Variants in PLEKHA4 observed in about 807,000 individuals in gnomAD.
The protein encoded by PLEKHA4 is pleckstrin homology domain-containing family A member 4.
PLEKHA4 carries 73 observed loss-of-function variants against 94.7 expected under a neutral mutation model. The observed-to-expected ratio is 0.77, with a 90% CI of 0.64 to 0.94. The LOEUF is 0.94. Ranked by LOEUF, PLEKHA4 falls within the 40% of genes least tolerant of loss-of-function variation. The pLI is 0.00. For synonymous variants in PLEKHA4, 449 were observed against 437.1 expected (o/e 1.03, Z -0.34); for missense variants, 1,049 against 1,054.1 (o/e 1.00, Z 0.07).
intron 9 of PLEKHA4, among the ~76,000 whole-genome samples, chr19:48,855,249 C>T (rs2036357537): frequency 6.6e-6 from 1 of 150,830 alleles, no homozygotes; most frequent in African/African-American, 2.4e-5. Context: ...CACTTGAGCC[C>T]AGGAGTTAAA....
intron 12 of PLEKHA4, among the ~76,000 whole-genome samples, 162 bp from the exon 13 acceptor site, chr19:48,852,488 T>C (rs572088577): frequency 1.1e-4 from 17 of 152,264 alleles, no homozygotes; most frequent in African/African-American, 3.9e-4. Flanking sequence ...CTTGGACTAC[T>C]GGGAACCCCA....
chr19:48,840,233 G>A (rs1568532744), intron 17 of PLEKHA4, among the ~76,000 whole-genome samples: 1 of 151,874 alleles, frequency 6.6e-6, no homozygotes, highest in Non-Finnish European at 1.5e-5. Context: ...TGGCCAACGT[G>A]GTAAAAATCT....
intron 5 of PLEKHA4, 150 bp from the exon 6 acceptor site, chr19:48,860,609 A>G: frequency 1.7e-6 from 1 of 592,614 alleles, no homozygotes; most frequent in Non-Finnish European, 3.0e-6. Flanking sequence ...ATAATGAGAC[A>G]CCCCCCTCCA....
Position 48,845,458 on chromosome 19 carries a change from G to A in PLEKHA4, c.1667-12C>T. The A allele has an allele frequency of 6.2e-7, 1 of 1,614,010 alleles. No homozygotes were observed. ...CGGAGACCCAAGACCTGGAAAGACA[G>A]AACGGGACTTGGTGAGGACGGGAAT... On this transcript the variant is annotated splice_polypyrimidine_tract_variant and intron_variant, in intron 15 of 19. Coordinates refer to ENST00000263265, the MANE Select transcript of PLEKHA4 (RefSeq NM_020904.3).
rs751980798 is a variant in PLEKHA4 at position 48,858,987 on chromosome 19, AGAG to A, written c.842_844del (p.Pro281del). 91 of 1,573,376 alleles carry A rather than the reference AGAG, an allele frequency of 5.8e-5. 2 individuals are homozygous for A. The East Asian group carries it at 1.3e-3, about 23-fold the overall frequency. On this transcript the variant is annotated inframe_deletion, in exon 8 of 20. Coordinates refer to ENST00000263265, the MANE Select transcript of PLEKHA4 (RefSeq NM_020904.3). ...GGTCTGGCGTTGGGGGCCCCAATCC[AGAG>A]GAGGTCGGACATCAATGCGACTCAA...
Position 48,847,967 on chromosome 19 carries a change from G to C in PLEKHA4, c.1499C>G (p.Pro500Arg), listed in dbSNP as rs371447195. 1.8e-5 allele frequency: 29 copies of C among 1,612,862 alleles called. No homozygotes were observed. Among genetic ancestry groups the C allele is most frequent in the Non-Finnish European group, 2.4e-5 (28 of 1,179,602 alleles). ...GGAGTCAGGCTCAGTGTGTGGGGGC[G>C]GTTTCTGGGGGCCACCCAGACCTGC... ...TLAGLGGPQKPPPHTEPDSPS... is the reference protein window; with the variant it reads ...TLAGLGGPQKRPPHTEPDSPS... The change falls in exon 14 of 20, where the codon CCG (proline) becomes CGG (arginine). Residue 500 changes from proline to arginine, a missense_variant. Pro to Arg is a moderately radical substitution (Grantham distance 103). Transcript: ENST00000263265.
At position 48,837,509 on chromosome 19, in the gene PLEKHA4, G is replaced by C; in HGVS notation, c.2120C>G (p.Pro707Arg). The change falls in exon 20 of 20, where the codon CCG becomes CGG. Residue 707 changes from proline (P) to arginine (R), a missense_variant. By Grantham distance (103) the Pro-to-Arg change is moderately radical. Transcript: ENST00000263265. This position sits in a 1 kb window ranked among gnomAD's most constrained non-coding sequence, Gnocchi z 4.3. ...DSQGDPLPGV[P>R]LPPSDPTRQE... Reference sequence around the variant, plus strand: ...GCGCGTGGGGTCCGAAGGAGGCAGCGGCACACCGGGAAGAGGGTCTCCCTG... The same window carrying C: ...GCGCGTGGGGTCCGAAGGAGGCAGCCGCACACCGGGAAGAGGGTCTCCCTG... 3 of 1,613,094 alleles carry C rather than the reference G, an allele frequency of 1.9e-6. No homozygotes were observed. The highest frequency in any genetic ancestry group is 4.5e-5 in the East Asian group (2 of 44,864).
In PLEKHA4 at chr19:48,859,496, A is replaced by G; in HGVS notation, c.665T>C (p.Leu222Pro). The change falls in exon 7 of 20, where the codon CTC becomes CCC. Residue 222 changes from leucine (L) to proline (P), a missense_variant. Physicochemically the swap from Leu to Pro is moderately conservative, Grantham distance 98. Coordinates refer to ENST00000263265, the MANE Select transcript of PLEKHA4 (RefSeq NM_020904.3). ...GGGGCTCCTCGCCCTCCGCATCTGGAGTCCAGAGTGGAGGTCGGTTGTGGG... is the reference window on the plus strand; with the variant it reads ...GGGGCTCCTCGCCCTCCGCATCTGGGGTCCAGAGTGGAGGTCGGTTGTGGG... ...PSPTTDLHSG[L>P]QMRRARSPDL... 6.2e-7 allele frequency: 1 copy of G among 1,613,836 alleles called. No homozygotes were observed. The highest frequency in any genetic ancestry group is 8.5e-7 in the Non-Finnish European group (1 of 1,179,976).
intron 3 of PLEKHA4, among the ~76,000 whole-genome samples, chr19:48,862,671 G>A (rs375272528): frequency 4.0e-5 from 6 of 151,896 alleles, no homozygotes; most frequent in African/African-American, 1.4e-4. Flanking sequence ...CACCACACCC[G>A]GCTAATTTTG....
Position 48,860,118 on chromosome 19 carries a change from T to C in PLEKHA4, c.476+232A>G, listed in dbSNP as rs1313058567. ...CCTGGAGCAGAGCTGAGTGCGTGAC[T>C]GAAGGGTCAGCTTGGGGGCGGGGAC... On this transcript the variant is annotated intron_variant, in intron 6 of 19. Transcript: ENST00000263265. 12 of 585,908 alleles carry C rather than the reference T, an allele frequency of 2.0e-5. No individual in the cohort carries two copies. The South Asian group carries it at 2.3e-4, about 11-fold the overall frequency. 36.3% of individuals were successfully genotyped at this position (585,908 alleles called of 1,614,324 possible).
intron 18 of PLEKHA4, among the ~76,000 whole-genome samples, chr19:48,838,785 A>G (rs1473246727): frequency 6.6e-6 from 1 of 151,384 alleles, no homozygotes; most frequent in Non-Finnish European, 1.5e-5. Flanking sequence ...AAAAAAAGTA[A>G]AAAATAAAAA....
At chr19:48,859,846 G>C (rs1219787742) in intron 6 of PLEKHA4, among the ~76,000 whole-genome samples, 162 bp from the exon 7 acceptor site, 2 of 152,164 alleles carry the variant, frequency 1.3e-5, no homozygotes, top group Non-Finnish European at 2.9e-5. Context: ...CCTCCAATGT[G>C]AAACTGACCT....
intron 16 of PLEKHA4, chr19:48,844,547 T>A (rs2035893730): frequency 1.0e-6 from 1 of 985,344 alleles, no homozygotes. Flanking sequence ...GGAGCCAAGC[T>A]TCTGAAAATC....
intron 3 of PLEKHA4, 90 bp from the exon 4 acceptor site, chr19:48,861,782 G>A (rs1207216504): frequency 8.3e-7 from 1 of 1,202,370 alleles, no homozygotes; most frequent in South Asian, 1.3e-5. Flanking sequence ...GAGCCAGAGA[G>A]AGAAAGAAAC....
chr19:48,847,384 C>T (rs1423942962), intron 14 of PLEKHA4, among the ~76,000 whole-genome samples: 1 of 151,948 alleles, frequency 6.6e-6, no homozygotes, highest in African/African-American at 2.4e-5. Context: ...TGCAGTGAGC[C>T]ATGATCACAC....
chr19:48,849,373 A>G, intron 13 of PLEKHA4, among the ~76,000 whole-genome samples: 1 of 151,788 alleles, frequency 6.6e-6, no homozygotes, highest in East Asian at 1.9e-4. Flanking sequence ...CAGTGTCACG[A>G]TCTCGGCTCA....
chr19:48,845,147 T>C (rs1378199255), intron 16 of PLEKHA4: 1 of 495,164 alleles, frequency 2.0e-6, no homozygotes, highest in East Asian at 3.5e-5. Context: ...ATTAGCCCCA[T>C]TTTAGAGAAG....
chr19:48,840,308 G>A (rs1262618480), intron 17 of PLEKHA4, among the ~76,000 whole-genome samples: 3 of 151,786 alleles, frequency 2.0e-5, no homozygotes, highest in East Asian at 1.9e-4. Flanking sequence ...CTAGCTACTC[G>A]GGAGGCTGAG....
In PLEKHA4 at chr19:48,867,038, AC is replaced by A. The variant is rs986799604; in HGVS notation, c.84+498del. ...GATCTCTGGGCTCTGAACTTGAGAA[AC>A]AATATGTGTGGAACGGCAGGAGGAA... On this transcript the variant is annotated intron_variant, in intron 2 of 19. Transcript: ENST00000263265. The surrounding 1 kb of genome is among the most constrained non-coding windows in gnomAD (Gnocchi z 4.7). Among the ~76,000 whole-genome samples, 216 of 152,300 alleles carry A rather than the reference AC, an allele frequency of 1.4e-3. No individual in the cohort carries two copies. Among genetic ancestry groups the A allele is most frequent in the African/African-American group, 5.0e-3 (209 of 41,570 alleles).
Sources: allele counts gnomAD v4.1 joint callset (sites outside exome capture counted in the v4.1 genomes callset), GRCh38; gene constraint gnomAD v4.1.1; non-coding constraint Gnocchi (gnomAD v3.1); transcripts MANE v1.5; gene names NCBI Gene and HGNC (gene_info 2026-07-23, HGNC 2026-07-21).